OXCT2: variants seen among roughly 807,000 people sequenced by gnomAD.
The protein encoded by OXCT2 is succinyl-CoA:3-ketoacid coenzyme A transferase 2, mitochondrial.
For synonymous variants in OXCT2, 110 were observed against 298.4 expected (o/e 0.37, Z 6.51); for missense variants, 317 against 695.7 (o/e 0.46, Z 6.12).
chr1:39,769,663 C>A lies in OXCT2; in HGVS notation c.*39G>T. On this transcript the variant is annotated 3_prime_UTR_variant, in exon 1 of 1. Transcript: ENST00000327582. ...CCCCTGGGGAACCCGGTGGCACCCG[C>A]CCTGAGGAGCGCACCACCCCGCCCA... is the stretch of plus-strand genomic sequence containing the variant. The A allele has an allele frequency of 6.5e-7, 1 of 1,529,708 alleles. No homozygotes were observed. Among genetic ancestry groups the A allele is most frequent in the Non-Finnish European group, 8.8e-7 (1 of 1,139,608 alleles). The allele number at this position is 1,529,708 out of a possible 1,614,324, so 94.8% of individuals were successfully genotyped here. A position where few individuals can be genotyped will look rare whatever the true frequency, so the allele number is the denominator to read the frequency against.
chr1:39,770,773 G>C lies in OXCT2; in HGVS notation c.483C>G (p.Tyr161Ter), dbSNP rs1649912634. 1 of 885,324 alleles carries C rather than the reference G, an allele frequency of 1.1e-6. No homozygotes were observed. 54.8% of individuals were successfully genotyped at this position (885,324 alleles called of 1,614,324 possible). The part of the protein sequence containing the change: ...GVPAFYTPTG[Y>*]GTLVQEGGAP... ...CGCCCCCTTCCTGGACCAGGGTCCCGTAGCCCGTGGGGGTGTAGAAGGCGG... is the reference window on the plus strand; with the variant it reads ...CGCCCCCTTCCTGGACCAGGGTCCCCTAGCCCGTGGGGGTGTAGAAGGCGG... The change falls in exon 1 of 1, where the codon TAC (tyrosine) becomes TAG (stop). Residue 161 changes from tyrosine (Y) to a stop codon, truncating the protein, a stop_gained. Transcript: ENST00000327582. LOFTEE classifies it low-confidence loss of function (END_TRUNC).
At position 39,770,311 on chromosome 1, in the gene OXCT2, G is replaced by T; in HGVS notation, c.945C>A (p.Tyr315Ter). The change falls in exon 1 of 1, where the codon TAC becomes TAA. Residue 315 changes from tyrosine (Y) to a stop codon, truncating the protein, a stop_gained. Coordinates refer to ENST00000327582, the MANE Select transcript of OXCT2 (RefSeq NM_022120.2). LOFTEE classifies it low-confidence loss of function (END_TRUNC). ...RAALEFEDGM[Y>*]ANLGIGIPLL... The stretch of plus-strand genomic sequence containing the variant: ...GGGGGATGCCTATGCCCAGATTGGC[G>T]TACATGCCGTCCTCAAATTCCAGAG... 1.3e-6 allele frequency: 2 copies of T among 1,584,484 alleles called. No individual in the cohort carries two copies. The highest frequency in any genetic ancestry group is 1.8e-4 in the Middle Eastern group (1 of 5,560).
rs1431037188 is a variant in OXCT2 at position 39,771,276 on chromosome 1, C to T, written c.-21G>A. 2.7e-6 allele frequency: 4 copies of T among 1,506,924 alleles called. No individual in the cohort carries two copies. In the East Asian group the frequency reaches 7.4e-5, roughly 28 times the overall value. The allele number at this position is 1,506,924 out of a possible 1,614,324, so 93.3% of individuals were successfully genotyped here. A position where few individuals can be genotyped will look rare whatever the true frequency, so the allele number is the denominator to read the frequency against. On this transcript the variant is annotated 5_prime_UTR_variant, in exon 1 of 1. Transcript: ENST00000327582. ...GCCATAGTCGGCCCGGGTCGGAGGC[C>T]AGGACAGGTGGTGTGAGCCCTGCGT...
In OXCT2 at chr1:39,770,473, A is replaced by G. The variant is rs1649880813; in HGVS notation, c.783T>C (p.Val261=). The change falls in exon 1 of 1, where the codon GTT becomes GTC. Residue 261 remains valine (V), a synonymous_variant. Coordinates refer to ENST00000327582, the MANE Select transcript of OXCT2 (RefSeq NM_022120.2). The part of the protein sequence containing the change: ...VGAFPPEDIH[V]PNIYVDRVIK... ...TCACGCGATCTACATAAATGTTAGG[A>G]ACGTGGATGTCTTCTGGGGGGAAAG... 1 of 1,609,966 alleles carries G rather than the reference A, an allele frequency of 6.2e-7. No individual in the cohort carries two copies. Among genetic ancestry groups the G allele is most frequent in the Non-Finnish European group, 8.5e-7 (1 of 1,179,196 alleles).
In OXCT2 at chr1:39,771,136, G is replaced by C. The variant is rs1432108316; in HGVS notation, c.120C>G (p.Ala40=). 2 of 1,556,302 alleles carry C rather than the reference G, an allele frequency of 1.3e-6. No individual in the cohort carries two copies. Among genetic ancestry groups the C allele is most frequent in the Non-Finnish European group, 1.8e-6 (2 of 1,139,888 alleles). ...RCFATSPRLR[A]KFYADPVEMV... ...TCTCCACCGGGTCCGCGTAGAACTTGGCACGGAGCCGGGGACTGGTGGCAA... is the reference window on the plus strand; with the variant it reads ...TCTCCACCGGGTCCGCGTAGAACTTCGCACGGAGCCGGGGACTGGTGGCAA... Residue 40 remains alanine, a synonymous_variant, in exon 1 of 1, where the codon GCC becomes GCG. Coordinates refer to ENST00000327582, the MANE Select transcript of OXCT2 (RefSeq NM_022120.2).
At position 39,770,500 on chromosome 1, in the gene OXCT2, C is replaced by A. The variant is rs769932771; in HGVS notation, c.756G>T (p.Gly252=). ...AVEVEEIVEV[G]AFPPEDIHVP... is the part of the protein sequence containing the mutation. ...CGTGGATGTCTTCTGGGGGGAAAGCCCCCACCTCCACGATCTCTTCCACCT... is the reference window on the plus strand; with the variant it reads ...CGTGGATGTCTTCTGGGGGGAAAGCACCCACCTCCACGATCTCTTCCACCT... Residue 252 remains glycine, a synonymous_variant, in exon 1 of 1, where the codon GGG becomes GGT. Transcript: ENST00000327582. 7 of 1,610,290 alleles carry A rather than the reference C, an allele frequency of 4.3e-6. No individual in the cohort carries two copies. In the South Asian group the frequency reaches 7.7e-5, roughly 18 times the overall value.
Position 39,769,707 on chromosome 1 carries a change from G to T in OXCT2, c.1549C>A (p.Pro517Thr), listed in dbSNP as rs1322998684. Residue 517 changes from proline (P) to threonine (T), a missense_variant, in exon 1 of 1, where the codon CCC (proline) becomes ACC (threonine). By Grantham distance (38) the Pro-to-Thr change is conservative. Coordinates refer to ENST00000327582, the MANE Select transcript of OXCT2 (RefSeq NM_022120.2). The part of the protein sequence containing the change: ...PNLRPMQQVA[P>T] ...CCGCCCAGATCCAGGTCCCGTCAGG[G>T]TGCCACCTGCTGCATGGGCCTGAGG... The T allele has an allele frequency of 1.2e-6, 2 of 1,609,148 alleles. No homozygotes were observed. The highest frequency in any genetic ancestry group is 3.3e-5 in the Admixed American group (2 of 59,786).
chr1:39,771,208 G>T lies in OXCT2; in HGVS notation c.48C>A (p.Pro16=), dbSNP rs547878500. 9 of 1,529,638 alleles carry T rather than the reference G, an allele frequency of 5.9e-6. No individual in the cohort carries two copies. The highest frequency in any genetic ancestry group is 1.2e-5 in the South Asian group (1 of 80,626). The allele number at this position is 1,529,638 out of a possible 1,614,324, so 94.8% of individuals were successfully genotyped here. A position where few individuals can be genotyped will look rare whatever the true frequency, so the allele number is the denominator to read the frequency against. ...LLASVLGRGV[P]AGGSGLALSQ... Reference sequence around the variant, plus strand: ...ACAGCGCGAGCCCTGAGCCGCCGGCGGGGACCCCGCGCCCGAGCACTGACG... The same window carrying T: ...ACAGCGCGAGCCCTGAGCCGCCGGCTGGGACCCCGCGCCCGAGCACTGACG... The change falls in exon 1 of 1, where the codon CCC becomes CCA. Residue 16 remains proline, a synonymous_variant. Coordinates refer to ENST00000327582, the MANE Select transcript of OXCT2 (RefSeq NM_022120.2).
Position 39,771,073 on chromosome 1 carries a change from G to A in OXCT2, c.183C>T (p.Ile61=), listed in dbSNP as rs1485717084. The change falls in exon 1 of 1, where the codon ATC becomes ATT. Residue 61 remains isoleucine, a synonymous_variant. Coordinates refer to ENST00000327582, the MANE Select transcript of OXCT2 (RefSeq NM_022120.2). ...GGATCCCGCAGAGCCCGAAGCCCCCGATCATGACGGTCGCCCCGTCAGAGA... is the reference window on the plus strand; with the variant it reads ...GGATCCCGCAGAGCCCGAAGCCCCCAATCATGACGGTCGCCCCGTCAGAGA... ...KDISDGATVM[I]GGFGLCGIPE... The A allele has an allele frequency of 1.9e-6, 3 of 1,540,268 alleles. No individual in the cohort carries two copies. Among genetic ancestry groups the A allele is most frequent in the African/African-American group, 2.8e-5 (2 of 72,120 alleles).
Position 39,771,153 on chromosome 1 carries a change from T to C in OXCT2, c.103A>G (p.Ser35Gly), listed in dbSNP as rs1649949041. 7 of 1,555,564 alleles carry C rather than the reference T, an allele frequency of 4.5e-6. 1 individual carries two copies. The highest frequency in any genetic ancestry group is 6.1e-6 in the Non-Finnish European group (7 of 1,139,648). ...TAGAACTTGGCACGGAGCCGGGGAC[T>C]GGTGGCAAAGCAGCGGGCGCAGCCC... ...SQGCARCFAT[S>G]PRLRAKFYAD... Residue 35 changes from serine (S) to glycine (G), a missense_variant, in exon 1 of 1, where the codon AGT becomes GGT. Physicochemically the swap from Ser to Gly is moderately conservative, Grantham distance 56. Coordinates refer to ENST00000327582, the MANE Select transcript of OXCT2 (RefSeq NM_022120.2).
Position 39,769,864 on chromosome 1 carries a change from G to T in OXCT2, c.1392C>A (p.Asp464Glu), listed in dbSNP as rs770795728. 9.9e-6 allele frequency: 16 copies of T among 1,611,358 alleles called. No individual in the cohort carries two copies. The highest frequency in any genetic ancestry group is 3.3e-4 in the Middle Eastern group (2 of 6,064). Residue 464 changes from aspartate (D) to glutamate (E), a missense_variant, in exon 1 of 1, where the codon GAC (aspartate) becomes GAA (glutamate). Physicochemically the swap from Asp to Glu is conservative, Grantham distance 45 (BLOSUM62 2). Coordinates refer to ENST00000327582, the MANE Select transcript of OXCT2 (RefSeq NM_022120.2). ...TMPLTGKRCV[D>E]RIITEKAVFD... ...ACACGGCCTTCTCGGTGATGATGCG[G>T]TCCACGCACCGCTTCCCGGTCAGCG...
At position 39,771,170 on chromosome 1, in the gene OXCT2, G is replaced by T. The variant is rs1246054179; in HGVS notation, c.86C>A (p.Ala29Asp). 5 of 1,550,506 alleles carry T rather than the reference G, an allele frequency of 3.2e-6. No individual in the cohort carries two copies. The highest frequency in any genetic ancestry group is 3.5e-6 in the Non-Finnish European group (4 of 1,142,336). ...GSGLALSQGC[A>D]RCFATSPRLR... ...CCGGGGACTGGTGGCAAAGCAGCGGGCGCAGCCCTGGGACAGCGCGAGCCC... is the reference window on the plus strand; with the variant it reads ...CCGGGGACTGGTGGCAAAGCAGCGGTCGCAGCCCTGGGACAGCGCGAGCCC... The change falls in exon 1 of 1, where the codon GCC becomes GAC. Residue 29 changes from alanine to aspartate, a missense_variant. Transcript: ENST00000327582.
At position 39,770,038 on chromosome 1, in the gene OXCT2, G is replaced by C. The variant is rs201254863; in HGVS notation, c.1218C>G (p.Asp406Glu). 1,845 of 1,392,520 alleles carry C rather than the reference G, an allele frequency of 1.3e-3. 3 individuals are homozygous for C. In the African/African-American group the frequency reaches 0.032, roughly 24 times the overall value. 86.3% of individuals were successfully genotyped at this position (1,392,520 alleles called of 1,614,324 possible). ...TGCCAGGGATCATCCAGTTCGCCAG[G>C]TCGCCGTATTTGGAAACCTGCATGG... ...LGAMQVSKYG[D>E]LANWMIPGKK... Residue 406 changes from aspartate to glutamate, a missense_variant, in exon 1 of 1, where the codon GAC (aspartate) becomes GAG (glutamate). Transcript: ENST00000327582.
Position 39,770,494 on chromosome 1 carries a change from G to C in OXCT2, c.762C>G (p.Phe254Leu). 1 of 1,610,280 alleles carries C rather than the reference G, an allele frequency of 6.2e-7. No homozygotes were observed. The highest frequency in any genetic ancestry group is 8.5e-7 in the Non-Finnish European group (1 of 1,179,202). The change falls in exon 1 of 1, where the codon TTC becomes TTG. Residue 254 changes from phenylalanine (F) to leucine (L), a missense_variant. Transcript: ENST00000327582. ...TAGGAACGTGGATGTCTTCTGGGGG[G>C]AAAGCCCCCACCTCCACGATCTCTT... Reference protein sequence around the residue: ...EVEEIVEVGAFPPEDIHVPNI... With the variant: ...EVEEIVEVGALPPEDIHVPNI...
At position 39,769,860 on chromosome 1, in the gene OXCT2, T is replaced by A; in HGVS notation, c.1396A>T (p.Ile466Phe). 1 of 1,611,806 alleles carries A rather than the reference T, an allele frequency of 6.2e-7. No individual in the cohort carries two copies. Among genetic ancestry groups the A allele is most frequent in the Non-Finnish European group, 8.5e-7 (1 of 1,179,476 alleles). The change falls in exon 1 of 1, where the codon ATC becomes TTC. Residue 466 changes from isoleucine to phenylalanine, a missense_variant. Ile to Phe is a conservative substitution (Grantham distance 21). Coordinates refer to ENST00000327582, the MANE Select transcript of OXCT2 (RefSeq NM_022120.2). ...PLTGKRCVDR[I>F]ITEKAVFDVH... ...TCAAACACGGCCTTCTCGGTGATGATGCGGTCCACGCACCGCTTCCCGGTC... is the reference window on the plus strand; with the variant it reads ...TCAAACACGGCCTTCTCGGTGATGAAGCGGTCCACGCACCGCTTCCCGGTC...
Position 39,769,698 on chromosome 1 carries a change from C to G in OXCT2, c.*4G>C. ...CGCACCACCCCGCCCAGATCCAGGT[C>G]CCGTCAGGGTGCCACCTGCTGCATG... On this transcript the variant is annotated 3_prime_UTR_variant, in exon 1 of 1. Coordinates refer to ENST00000327582, the MANE Select transcript of OXCT2 (RefSeq NM_022120.2). 1 of 1,603,452 alleles carries G rather than the reference C, an allele frequency of 6.2e-7. No individual in the cohort carries two copies. Among genetic ancestry groups the G allele is most frequent in the Non-Finnish European group, 8.5e-7 (1 of 1,174,250 alleles).
In OXCT2 at chr1:39,769,799, A is replaced by T; in HGVS notation, c.1457T>A (p.Leu486His). The T allele has an allele frequency of 6.2e-7, 1 of 1,613,538 alleles. No individual in the cohort carries two copies. The highest frequency in any genetic ancestry group is 8.5e-7 in the Non-Finnish European group (1 of 1,179,830). ...GTCGTCCACCGTCAGGCCCTCCCAG[A>T]GCTCCCTCAGCGTCAGCTCTTTCTT... ...HRKKELTLRE[L>H]WEGLTVDDIK... Residue 486 changes from leucine (L) to histidine (H), a missense_variant, in exon 1 of 1, where the codon CTC becomes CAC. Transcript: ENST00000327582.
chr1:39,770,469 T>C lies in OXCT2; in HGVS notation c.787A>G (p.Asn263Asp), dbSNP rs1356572967. The C allele has an allele frequency of 1.2e-6, 2 of 1,610,142 alleles. No individual in the cohort carries two copies. Among genetic ancestry groups the C allele is most frequent in the Admixed American group, 1.7e-5 (1 of 59,914 alleles). The change falls in exon 1 of 1, where the codon AAC becomes GAC. Residue 263 changes from asparagine (N) to aspartate (D), a missense_variant. Transcript: ENST00000327582. Reference sequence around the variant, plus strand: ...TTTATCACGCGATCTACATAAATGTTAGGAACGTGGATGTCTTCTGGGGGG... The same window carrying C: ...TTTATCACGCGATCTACATAAATGTCAGGAACGTGGATGTCTTCTGGGGGG... ...AFPPEDIHVP[N>D]IYVDRVIKGQ...
At position 39,769,833 on chromosome 1, in the gene OXCT2, C is replaced by G. The variant is rs1352252326; in HGVS notation, c.1423G>C (p.Val475Leu). ...RIITEKAVFDVHRKKELTLRE... is the reference protein window; with the variant it reads ...RIITEKAVFDLHRKKELTLRE... ...AGCGTCAGCTCTTTCTTCCTGTGCA[C>G]GTCAAACACGGCCTTCTCGGTGATG... Residue 475 changes from valine to leucine, a missense_variant, in exon 1 of 1, where the codon GTG becomes CTG. Coordinates refer to ENST00000327582, the MANE Select transcript of OXCT2 (RefSeq NM_022120.2). 1 of 1,613,246 alleles carries G rather than the reference C, an allele frequency of 6.2e-7. No homozygotes were observed. The highest frequency in any genetic ancestry group is 1.1e-5 in the South Asian group (1 of 90,980).
Sources: gnomAD v4.1 joint callset for allele counts on GRCh38, gnomAD v4.1.1 for gene constraint, MANE v1.5 for transcripts, NCBI Gene and HGNC (gene_info 2026-07-23, HGNC 2026-07-21) for gene names.